PFKFB1: variants seen among roughly 807,000 people sequenced by gnomAD.
PFKFB1 encodes the protein 6-phosphofructo-2-kinase/fructose-2,6-bisphosphatase 1.
A neutral mutation model predicts 46.4 loss-of-function variants in PFKFB1; 34 were observed. The observed-to-expected ratio is 0.73, with a 90% CI of 0.56 to 0.98. The LOEUF (loss-of-function observed/expected upper bound fraction) is 0.98. Among genes scored for constraint, PFKFB1 ranks in the 50% least tolerant of loss-of-function variants. The pLI is 0.00. For missense variants in PFKFB1, 393 were observed against 376.3 expected (o/e 1.04, Z -0.37); for synonymous variants, 119 against 133.8 (o/e 0.89, Z 0.76).
chrX:54,978,942 C>T (rs992699860), intron 1 of PFKFB1, among the ~76,000 whole-genome samples: 2 of 111,746 alleles, frequency 1.8e-5, no homozygotes, highest in African/African-American at 3.2e-5. Flanking sequence ...GGAAATAAGA[C>T]AATTAATCCC....
chrX:54,952,324 C>T (rs777868942), intron 7 of PFKFB1, among the ~76,000 whole-genome samples: 2 of 112,069 alleles, frequency 1.8e-5, no homozygotes, highest in African/African-American at 6.5e-5. Context: ...GCTACCATTT[C>T]CCCCTGTCTC....
intron 11 of PFKFB1, among the ~76,000 whole-genome samples, chrX:54,936,651 G>A (rs1026140041): frequency 5.4e-5 from 6 of 111,516 alleles, no homozygotes; most frequent in African/African-American, 2.0e-4. Flanking sequence ...TGAACAGAGA[G>A]AAATCTACCA....
chrX:54,945,285 AG>A (rs1323652053), intron 10 of PFKFB1, among the ~76,000 whole-genome samples, 153 bp downstream of exon 10: 1 of 112,316 alleles, frequency 8.9e-6, no homozygotes, highest in Non-Finnish European at 1.9e-5. Context: ...AAAACAACCA[AG>A]GGCCAGATAA....
At chrX:54,962,197 T>A (rs1439603157) in intron 2 of PFKFB1, among the ~76,000 whole-genome samples, 1 of 111,656 alleles carries the variant, frequency 9.0e-6, no homozygotes, top group African/African-American at 3.3e-5. Context: ...CAGTGTCCCA[T>A]GTGCCTCTAC....
intron 9 of PFKFB1, among the ~76,000 whole-genome samples, chrX:54,948,347 T>A (rs1933866893): frequency 8.9e-6 from 1 of 112,601 alleles, no homozygotes; most frequent in African/African-American, 3.2e-5. Context: ...GTCTACTTGT[T>A]CATTCTGGCC....
upstream of PFKFB1, among the ~76,000 whole-genome samples, chrX:54,996,708 A>C (rs1935361774): frequency 9.0e-6 from 1 of 111,717 alleles, no homozygotes; most frequent in African/African-American, 3.3e-5. Flanking sequence ...GTCCAGCCAT[A>C]TCTCTCCTTA....
upstream of PFKFB1, among the ~76,000 whole-genome samples, chrX:54,996,606 A>C (rs1020774315): frequency 3.6e-5 from 4 of 112,058 alleles, no homozygotes; most frequent in African/African-American, 1.3e-4. Flanking sequence ...ACTGTTACCA[A>C]TTCTGATCCC....
rs1484190848 is a variant in PFKFB1 at position 54,973,931 on chromosome X, G to A, written c.98-10549C>T. On this transcript the variant is annotated intron_variant, in intron 1 of 13. Coordinates refer to ENST00000375006, the MANE Select transcript of PFKFB1 (RefSeq NM_002625.4). ...TAACACCAATAAAACATGTATAAAA[G>A]ATCTGTATGCTGGAAATTACAAAAT... Among the ~76,000 whole-genome samples, 4 of 111,259 alleles carry A rather than the reference G, an allele frequency of 3.6e-5. No individual in the cohort carries two copies. The Admixed American group carries it at 3.8e-4, about 11-fold the overall frequency.
chrX:54,996,111 C>T (rs1317927792), upstream of PFKFB1, among the ~76,000 whole-genome samples: 5 of 112,292 alleles, frequency 4.5e-5, no homozygotes, highest in African/African-American at 6.5e-5. Flanking sequence ...ATTAATCAAA[C>T]AAGCCTGATC....
intron 1 of PFKFB1, among the ~76,000 whole-genome samples, chrX:54,964,764 T>C (rs971662912): frequency 2.7e-5 from 3 of 111,599 alleles, no homozygotes; most frequent in Non-Finnish European, 5.6e-5. Context: ...AAAATAGCTA[T>C]GATTAGTATG....
rs750333012 is a variant in PFKFB1, at chrX:54,934,949, T to C, written c.1289A>G (p.Tyr430Cys). The C allele has an allele frequency of 7.5e-6, 9 of 1,200,334 alleles. No individual in the cohort carries two copies. The South Asian group carries it at 1.6e-4, about 21-fold the overall frequency. ...HTVLKLTPVA[Y>C]GCKVESIYLN... ...TTGATCAGGGTGGGAGTACTTACCA[T>C]AAGCCACAGGAGTGAGTTTGAGCAC... Residue 430 changes from tyrosine to cysteine, a missense_variant and splice_region_variant, in exon 12 of 14, where the codon TAT becomes TGT. Transcript: ENST00000375006.
chrX:54,998,551 G>A (rs1935388883), upstream of PFKFB1: 4 of 569,374 alleles, frequency 7.0e-6, no homozygotes, highest in Middle Eastern at 3.2e-4. Flanking sequence ...GGCTGAGGAC[G>A]TACCCTTGTT....
chrX:54,975,372 G>A (rs193099080), intron 1 of PFKFB1, among the ~76,000 whole-genome samples: 1 of 110,942 alleles, frequency 9.0e-6, no homozygotes, highest in East Asian at 2.9e-4. Flanking sequence ...AAGTGAAGTC[G>A]CTTAGGAATG....
intron 9 of PFKFB1, 45 bp from the exon 10 acceptor site, chrX:54,945,588 TC>T: frequency 2.4e-6 from 2 of 819,091 alleles, no homozygotes; most frequent in Non-Finnish European, 3.6e-6. Flanking sequence ...AAGATGAAAT[TC>T]CACAGAGTCT....
At position 54,948,693 on chromosome X, in the gene PFKFB1, C is replaced by T. The variant is rs144934501; in HGVS notation, c.993+382G>A. 3.7e-3 allele frequency among the ~76,000 whole-genome samples: 414 copies of T among 111,676 alleles called. 2 individuals are homozygous for T. The highest frequency in any genetic ancestry group is 0.013 in the African/African-American group (400 of 30,699). ...TAAATTTATTTCCCCACTCCCCAGA[C>T]CATTTCATCTCCTTCTTATATCACC... On this transcript the variant is annotated intron_variant, in intron 9 of 13. Transcript: ENST00000375006.
chrX:54,948,015 C>T (rs1290634233), intron 9 of PFKFB1, among the ~76,000 whole-genome samples: 4 of 109,586 alleles, frequency 3.7e-5, no homozygotes. Context: ...CTCAACCTCC[C>T]AGGCTTAAAC....
In PFKFB1 at chrX:54,933,330, G is replaced by T. The variant is rs148727575; in HGVS notation, c.*73C>A. 698 of 909,076 alleles carry T rather than the reference G, an allele frequency of 7.7e-4. 4 individuals are homozygous for T. The African/African-American group carries it at 0.011, about 14-fold the overall frequency. The allele number at this position is 909,076 out of a possible 1,213,427, so 74.9% of individuals were successfully genotyped here. A position where few individuals can be genotyped will look rare whatever the true frequency, so the allele number is the denominator to read the frequency against. ...TCAGTGAGGCCAAGGCAGAGTAGGAGAAGAGCAAAGATAGCATTTCCTAAA... is the reference window on the plus strand; with the variant it reads ...TCAGTGAGGCCAAGGCAGAGTAGGATAAGAGCAAAGATAGCATTTCCTAAA... On this transcript the variant is annotated 3_prime_UTR_variant, in exon 14 of 14. Transcript: ENST00000375006.
rs147860100 is a variant in PFKFB1 at position 54,945,505 on chromosome X, T to C, written c.1032A>G (p.Glu344=). Residue 344 remains glutamate (E), a synonymous_variant, in exon 10 of 14, where the codon GAA becomes GAG. Coordinates refer to ENST00000375006, the MANE Select transcript of PFKFB1 (RefSeq NM_002625.4). Reference sequence around the variant, plus strand: ...GCAGTGCAAATTCTTCAGGGTAATGTTCCTGGATTTCTTCATAGGTCATCT... The same window carrying C: ...GCAGTGCAAATTCTTCAGGGTAATGCTCCTGGATTTCTTCATAGGTCATCT... The part of the protein sequence containing the change: ...CEEMTYEEIQ[E]HYPEEFALRD... 8.4e-7 allele frequency: 1 copy of C among 1,196,877 alleles called. No homozygotes were observed. Among genetic ancestry groups the C allele is most frequent in the Non-Finnish European group, 1.1e-6 (1 of 884,168 alleles).
rs773225724 is a variant in PFKFB1, at chrX:54,937,607, C to T, written c.1216G>A (p.Asp406Asn). The T allele has an allele frequency of 1.7e-5, 20 of 1,209,940 alleles. No individual in the cohort carries two copies. The South Asian group carries it at 3.3e-4, about 20-fold the overall frequency. Residue 406 changes from aspartate to asparagine, a missense_variant, in exon 11 of 14, where the codon GAT (aspartate) becomes AAT (asparagine). Physicochemically the swap from Asp to Asn is conservative, Grantham distance 23. Coordinates refer to ENST00000375006, the MANE Select transcript of PFKFB1 (RefSeq NM_002625.4). ...ATGAGGGTAGTACCTGAACTTTTAT[C>T]CAGGAAATAGGCCAGGAGGCACCGC... Reference protein sequence around the residue: ...VMRCLLAYFLDKSSDELPYLK... With the variant: ...VMRCLLAYFLNKSSDELPYLK...
Sources: allele counts gnomAD v4.1 joint callset (sites outside exome capture counted in the v4.1 genomes callset), GRCh38; gene constraint gnomAD v4.1.1; transcripts MANE v1.5; gene names NCBI Gene and HGNC (gene_info 2026-07-23, HGNC 2026-07-21).